Variants in TNS2 observed in about 807,000 individuals in gnomAD.
TNS2 encodes the protein tensin-2.
Under a neutral mutation model 155.7 loss-of-function variants are expected in TNS2, and 77 were observed. That is an observed-to-expected ratio of 0.49 (90% confidence interval 0.41 to 0.60). The LOEUF is 0.60. Among genes scored for constraint, TNS2 ranks in the 20% least tolerant of loss-of-function variants. The pLI is 0.00. For missense variants in TNS2, 1,703 were observed against 1,868.8 expected (o/e 0.91, Z 1.64); for synonymous variants, 726 against 763.9 (o/e 0.95, Z 0.82).
Position 53,059,774 on chromosome 12 carries a change from GGAGGCTGGAGAAGGGTGGGCAAGT to G in TNS2, c.2142_2165del (p.Glu715_Gly722del). On this transcript the variant is annotated inframe_deletion, in exon 18 of 29. Transcript: ENST00000314250. This position sits in a 1 kb window ranked among gnomAD's most constrained non-coding sequence, Gnocchi z 4.7. Reference sequence around the variant, plus strand: ...CCTTGTATGGACTGCGGCTGGAGAGGGAGGCTGGAGAAGGGTGGGCAAGTGAGGCTGGCAAGCCTCTCCTGCACC... The same window carrying G: ...CCTTGTATGGACTGCGGCTGGAGAGGGAGGCTGGCAAGCCTCTCCTGCACC... The G allele has an allele frequency of 6.2e-7, 1 of 1,612,490 alleles. No individual in the cohort carries two copies. The highest frequency in any genetic ancestry group is 1.3e-5 in the African/African-American group (1 of 75,028).
chr12:53,056,001 AT>A, intron 10 of TNS2, 156 bp downstream of exon 10: 2 of 727,302 alleles, frequency 2.7e-6, no homozygotes. Flanking sequence ...GTACTGCAAC[AT>A]AGTCTGCAGC....
Position 53,061,040 on chromosome 12 carries a change from G to T in TNS2, c.3134G>T (p.Ser1045Ile), listed in dbSNP as rs1464211030. ...VPSQMPWLVA[S>I]PEPPQSSPTP... is the part of the protein sequence containing the mutation. ...TCCCAGATGCCCTGGCTTGTGGCCAGCCCAGAGCCGCCTCAGAGCTCACCT... is the reference window on the plus strand; with the variant it reads ...TCCCAGATGCCCTGGCTTGTGGCCATCCCAGAGCCGCCTCAGAGCTCACCT... Residue 1045 changes from serine (S) to isoleucine (I), a missense_variant, in exon 20 of 29, where the codon AGC becomes ATC. Physicochemically the swap from Ser to Ile is moderately radical, Grantham distance 142. Transcript: ENST00000314250. 1.2e-6 allele frequency: 2 copies of T among 1,613,520 alleles called. No homozygotes were observed. The highest frequency in any genetic ancestry group is 2.7e-5 in the African/African-American group (2 of 74,936).
chr12:53,061,578 G>A (rs1186974881), intron 21 of TNS2, 109 bp downstream of exon 21: 2 of 1,384,338 alleles, frequency 1.4e-6, no homozygotes, highest in South Asian at 1.3e-5. Context: ...TCTGAGCTGT[G>A]TTTACTCTTG....
intron 2 of TNS2, 157 bp from the exon 3 acceptor site, chr12:53,052,298 A>C (rs1943964453): frequency 3.3e-6 from 3 of 909,222 alleles, no homozygotes; most frequent in Non-Finnish European, 1.7e-6. Flanking sequence ...TCTTCCCTCA[A>C]AACCTAGCCC....
chr12:53,052,314 C>T, intron 2 of TNS2, 141 bp from the exon 3 acceptor site: 1 of 1,078,712 alleles, frequency 9.3e-7, no homozygotes, highest in Non-Finnish European at 1.4e-6. Flanking sequence ...AGCCCTGCTC[C>T]TCTGCCCCAG....
intron 14 of TNS2, 64 bp from the exon 15 acceptor site, chr12:53,058,252 C>A: frequency 6.2e-7 from 1 of 1,604,286 alleles, no homozygotes; most frequent in Admixed American, 1.7e-5. Flanking sequence ...ACCAGGCAGT[C>A]CCCAGGGTGG....
At position 53,063,038 on chromosome 12, in the gene TNS2, G is replaced by C. The variant is rs1366234823; in HGVS notation, c.3824-51G>C. On this transcript the variant is annotated intron_variant, in intron 25 of 28. Transcript: ENST00000314250. This position sits in a 1 kb window ranked among gnomAD's most constrained non-coding sequence, Gnocchi z 5.6. The stretch of plus-strand genomic sequence containing the variant: ...TGGGGAATGTGCAAGAGCTGGTGGG[G>C]GTGGCTAGGGGATGGGCACTCCCTC... 1 of 1,504,080 alleles carries C rather than the reference G, an allele frequency of 6.6e-7. No individual in the cohort carries two copies. Among genetic ancestry groups the C allele is most frequent in the Non-Finnish European group, 8.8e-7 (1 of 1,130,460 alleles). The allele number at this position is 1,504,080 out of a possible 1,614,324, so 93.2% of individuals were successfully genotyped here.
At position 53,058,296 on chromosome 12, in the gene TNS2, G is replaced by C; in HGVS notation, c.1096-20G>C. On this transcript the variant is annotated intron_variant, in intron 14 of 28. Transcript: ENST00000314250. The stretch of plus-strand genomic sequence containing the variant: ...AAGAGGACATGAGGCCTGATCCGCA[G>C]CCTCCTGCCTTTCTCCCAGGTAACA... 6.2e-7 allele frequency: 1 copy of C among 1,613,478 alleles called. No individual in the cohort carries two copies. The highest frequency in any genetic ancestry group is 8.5e-7 in the Non-Finnish European group (1 of 1,179,690).
chr12:53,058,226 CA>C, intron 14 of TNS2, 89 bp from the exon 15 acceptor site: 1 of 1,603,422 alleles, frequency 6.2e-7, no homozygotes, highest in South Asian at 1.1e-5. Context: ...GAGATCGAGG[CA>C]GGGCAGAAGC....
At chr12:53,057,514 A>G in intron 11 of TNS2, 53 bp from the exon 12 acceptor site, 1 of 1,327,392 alleles carries the variant, frequency 7.5e-7, no homozygotes, top group Non-Finnish European at 1.1e-6. Context: ...AAATGATACA[A>G]GGTGACCTCC....
In TNS2 at chr12:53,060,483, G is replaced by A. The variant is rs754047911; in HGVS notation, c.2696G>A (p.Cys899Tyr). The A allele has an allele frequency of 3.1e-6, 5 of 1,613,744 alleles. No individual in the cohort carries two copies. The African/African-American group carries it at 6.7e-5, about 22-fold the overall frequency. ...CCTCGGTCTCCCCGAGATGCCCCATGCAGTGCTTCGTCAGAGTTGTCTGGT... is the reference window on the plus strand; with the variant it reads ...CCTCGGTCTCCCCGAGATGCCCCATACAGTGCTTCGTCAGAGTTGTCTGGT... ...TLPRSPRDAPCSASSELSGPS... is the reference protein window; with the variant it reads ...TLPRSPRDAPYSASSELSGPS... The change falls in exon 19 of 29, where the codon TGC becomes TAC. Residue 899 changes from cysteine (C) to tyrosine (Y), a missense_variant. By Grantham distance (194) the Cys-to-Tyr change is radical (BLOSUM62 -2). Coordinates refer to ENST00000314250, the MANE Select transcript of TNS2 (RefSeq NM_170754.4). This position sits in a 1 kb window ranked among gnomAD's most constrained non-coding sequence, Gnocchi z 6.1.
At position 53,061,460 on chromosome 12, in the gene TNS2, C is replaced by G. The variant is rs1231887179; in HGVS notation, c.3439C>G (p.Arg1147Gly). The G allele has an allele frequency of 8.7e-6, 14 of 1,614,062 alleles. No homozygotes were observed. The highest frequency in any genetic ancestry group is 1.7e-5 in the Admixed American group (1 of 60,014). Residue 1147 changes from arginine (R) to glycine (G), a missense_variant, in exon 21 of 29, where the codon CGT becomes GGT. By Grantham distance (125) the Arg-to-Gly change is moderately radical. Coordinates refer to ENST00000314250, the MANE Select transcript of TNS2 (RefSeq NM_170754.4). ...GTTCTGGTACAAGCCACACCTGTCC[C>G]GTGACCAAGGTGAGAAGCCAGCCTG... ...SKFWYKPHLSRDQAIALLKDK... is the reference protein window; with the variant it reads ...SKFWYKPHLSGDQAIALLKDK...
At chr12:53,061,301 A>G in intron 20 of TNS2, 37 bp downstream of exon 20, 3 of 1,606,308 alleles carry the variant, frequency 1.9e-6, no homozygotes, top group Non-Finnish European at 2.6e-6. Flanking sequence ...CCACCTTGAG[A>G]GAACCCTTTC....
intron 20 of TNS2, 31 bp from the exon 21 acceptor site, chr12:53,061,349 G>C: frequency 6.2e-7 from 1 of 1,613,368 alleles, no homozygotes; most frequent in Non-Finnish European, 8.5e-7. Flanking sequence ...CGGGTACCCT[G>C]GGGTCTGAAC....
upstream of TNS2, among the ~76,000 whole-genome samples, chr12:53,048,270 T>G (rs1943799433): frequency 6.6e-6 from 1 of 152,056 alleles, no homozygotes. Context: ...GGGCACCTCC[T>G]TGCTGGGTCT....
In TNS2 at chr12:53,062,716, C is replaced by A; in HGVS notation, c.3823+19C>A. On this transcript the variant is annotated intron_variant, in intron 25 of 28. Coordinates refer to ENST00000314250, the MANE Select transcript of TNS2 (RefSeq NM_170754.4). ...GGTGCTGGTAGAGACTTCCCCTCCA[C>A]TCCCCTCCCTCTCCCTGGGCACCAA... 1.2e-6 allele frequency: 2 copies of A among 1,612,992 alleles called. No homozygotes were observed. Among genetic ancestry groups the A allele is most frequent in the South Asian group, 1.1e-5 (1 of 90,910 alleles).
At position 53,059,654 on chromosome 12, in the gene TNS2, A is replaced by T. The variant is rs1257702738; in HGVS notation, c.2013A>T (p.Pro671=). Residue 671 remains proline, a synonymous_variant, in exon 18 of 29, where the codon CCA becomes CCT. Transcript: ENST00000314250. The surrounding 1 kb of genome is among the most constrained non-coding windows in gnomAD (Gnocchi z 4.7). ...CTGGGGACTTTGGCTACCGCGCCCC[A>T]GGCTACCGGGAGGTGGTCATCCTGG... is the stretch of plus-strand genomic sequence containing the variant. ...PATGDFGYRA[P]GYREVVILED... 1.2e-6 allele frequency: 2 copies of T among 1,613,196 alleles called. No homozygotes were observed. Among genetic ancestry groups the T allele is most frequent in the South Asian group, 2.2e-5 (2 of 91,078 alleles).
At chr12:53,052,213 C>T in intron 2 of TNS2, 2 of 615,962 alleles carry the variant, frequency 3.2e-6, no homozygotes, top group Non-Finnish European at 5.7e-6. Context: ...AGTCTTCCTT[C>T]CCTCTCTTCC....
Position 53,060,442 on chromosome 12 carries a change from T to G in TNS2, c.2655T>G (p.Ser885Arg), listed in dbSNP as rs1944340362. ...CGGTGTCCTGGAGGGAGGGCCCCAG[T>G]GGGCACAGCACACTGCCTCGGTCTC... is the stretch of plus-strand genomic sequence containing the variant. ...LEPVSWREGP[S>R]GHSTLPRSPR... Residue 885 changes from serine (S) to arginine (R), a missense_variant, in exon 19 of 29, where the codon AGT (serine) becomes AGG (arginine). By Grantham distance (110) the Ser-to-Arg change is moderately radical (BLOSUM62 -1). Coordinates refer to ENST00000314250, the MANE Select transcript of TNS2 (RefSeq NM_170754.4). The surrounding 1 kb of genome is among the most constrained non-coding windows in gnomAD (Gnocchi z 6.1). 1 of 1,613,414 alleles carries G rather than the reference T, an allele frequency of 6.2e-7. No homozygotes were observed. The highest frequency in any genetic ancestry group is 1.3e-5 in the African/African-American group (1 of 74,896).
Sources: gnomAD v4.1 joint callset for allele counts (sites outside exome capture counted in the v4.1 genomes callset) on GRCh38, gnomAD v4.1.1 for gene constraint, Gnocchi (gnomAD v3.1) non-coding constraint, MANE v1.5 for transcripts, NCBI Gene and HGNC (gene_info 2026-07-23, HGNC 2026-07-21) for gene names.